The following PTPRN2 variants were observed in gnomAD, a reference collection of about 807,000 sequenced individuals.
PTPRN2 encodes protein tyrosine phosphatase receptor type N2, also known as receptor-type tyrosine-protein phosphatase N2.
PTPRN2 carries 74 observed loss-of-function variants against 118.8 expected under a neutral mutation model. That is an observed-to-expected ratio of 0.62 (90% CI 0.52 to 0.76). PTPRN2 has a LOEUF of 0.76. PTPRN2 is among the 30% of genes least tolerant of loss of function. The pLI, the probability that PTPRN2 is intolerant of heterozygous loss-of-function variation, is 0.00. For missense variants in PTPRN2, 1,481 were observed against 1,394.4 expected (o/e 1.06, Z -0.99); for synonymous variants, 641 against 608.0 (o/e 1.05, Z -0.80).
Position 158,546,670 on chromosome 7 carries a change from G to A in PTPRN2, c.112+40888C>T, listed in dbSNP as rs570145109. Among the ~76,000 whole-genome samples the A allele has an allele frequency of 9.8e-5, 15 of 152,316 alleles. No homozygotes were observed. The highest frequency in any genetic ancestry group is 3.4e-4 in the African/African-American group (14 of 41,570). ...GTAGCAGGTGGGTGACTACAGAGGT[G>A]CTCTGAGGGTCTTAGGCAGAGCTGG... On this transcript the variant is annotated intron_variant, in intron 1 of 22. Transcript: ENST00000389418. The surrounding 1 kb of genome is among the most constrained non-coding windows in gnomAD (Gnocchi z 5.0).
chr7:157,846,983 C>T (rs557647964), intron 12 of PTPRN2, among the ~76,000 whole-genome samples: 1 of 150,706 alleles, frequency 6.6e-6, no homozygotes, highest in Admixed American at 6.6e-5. Context: ...CTCTCTCACT[C>T]CTTCATGTGT....
Position 158,319,424 on chromosome 7 carries a change from A to T in PTPRN2, c.164-2492T>A, listed in dbSNP as rs1433135219. On this transcript the variant is annotated intron_variant, in intron 2 of 22. Transcript: ENST00000389418. ...CACACACACACACAGCCTCCCACAC[A>T]CACACACACACAGCCTCCCTCACAC... 4.8e-4 allele frequency among the ~76,000 whole-genome samples: 49 copies of T among 103,134 alleles called. 6 individuals carry two copies. Among genetic ancestry groups the T allele is most frequent in the African/African-American group, 1.4e-3 (37 of 26,630 alleles). 67.7% of individuals were successfully genotyped at this position (103,134 alleles called of 152,430 possible).
At chr7:158,352,003 TCCGCTCCCCTCCTGA>T (rs1563190555) in intron 2 of PTPRN2, among the ~76,000 whole-genome samples, 12 of 85,866 alleles carry the variant, frequency 1.4e-4, no homozygotes, top group African/African-American at 3.0e-4. Flanking sequence ...TCCCCTCCTG[TCCGCTCCCCTCCTGA>T]CCGCTCCCCT....
chr7:158,146,287 C>G (rs550312023), intron 6 of PTPRN2, among the ~76,000 whole-genome samples: 9 of 152,200 alleles, frequency 5.9e-5, no homozygotes, highest in African/African-American at 1.9e-4. Context: ...AAATGTTAAC[C>G]TATATTTAAA....
intron 12 of PTPRN2, among the ~76,000 whole-genome samples, chr7:157,715,108 T>G (rs954516866): frequency 6.6e-6 from 1 of 152,214 alleles, no homozygotes; most frequent in African/African-American, 2.4e-5. Context: ...TCTGGTGGCT[T>G]CTGTGTCATC....
intron 1 of PTPRN2, among the ~76,000 whole-genome samples, chr7:158,499,744 C>A (rs1028779160): frequency 2.6e-5 from 4 of 151,676 alleles, no homozygotes; most frequent in African/African-American, 9.7e-5. Context: ...GCACTCCAGC[C>A]TGGGTGACGG....
At chr7:158,336,604 C>A (rs143912596) in intron 2 of PTPRN2, among the ~76,000 whole-genome samples, 11,976 of 92,492 alleles carry the variant, frequency 0.13, 52 homozygotes, top group Middle Eastern at 0.18. Context: ...CACACCCACA[C>A]TCTCACCATA....
At chr7:158,342,733 C>A (rs1036018283) in intron 2 of PTPRN2, among the ~76,000 whole-genome samples, 5 of 152,132 alleles carry the variant, frequency 3.3e-5, no homozygotes, top group African/African-American at 9.7e-5. Context: ...AGGTTGGGTG[C>A]CTTGCTGGAG....
In PTPRN2 at chr7:157,785,972, G is replaced by A. The variant is rs553908934; in HGVS notation, c.1789-103035C>T. Among the ~76,000 whole-genome samples, 27 of 152,282 alleles carry A rather than the reference G, an allele frequency of 1.8e-4. No individual in the cohort carries two copies. The South Asian group carries it at 4.4e-3, about 25-fold the overall frequency. On this transcript the variant is annotated intron_variant, in intron 12 of 22. Coordinates refer to ENST00000389418, the MANE Select transcript of PTPRN2 (RefSeq NM_002847.5). This position sits in a 1 kb window ranked among gnomAD's most constrained non-coding sequence, Gnocchi z 7.3. ...GATGGCTGCAGGGACCCCCTGGGCCGGCTCTGGGTGCTGCTGCTCCCAGGA... is the reference window on the plus strand; with the variant it reads ...GATGGCTGCAGGGACCCCCTGGGCCAGCTCTGGGTGCTGCTGCTCCCAGGA...
In PTPRN2 at chr7:157,926,852, G is replaced by A. The variant is rs1462534686; in HGVS notation, c.1724-28115C>T. 3.3e-5 allele frequency among the ~76,000 whole-genome samples: 5 copies of A among 152,166 alleles called. No homozygotes were observed. In the South Asian group the frequency reaches 6.2e-4, roughly 19 times the overall value. On this transcript the variant is annotated intron_variant, in intron 11 of 22. Coordinates refer to ENST00000389418, the MANE Select transcript of PTPRN2 (RefSeq NM_002847.5). ...GAGTCGCCTCCCCCTGCATCTGGAC[G>A]TGTGGCTGCAGGGATCCTGACACCG...
At chr7:158,078,062 T>C (rs1359496895) in intron 11 of PTPRN2, among the ~76,000 whole-genome samples, 1 of 152,206 alleles carries the variant, frequency 6.6e-6, no homozygotes, top group Non-Finnish European at 1.5e-5. Context: ...GGGAAAGCAT[T>C]GCCTACGATA....
At chr7:158,180,502 G>T (rs574027213) in intron 5 of PTPRN2, among the ~76,000 whole-genome samples, 2 of 152,010 alleles carry the variant, frequency 1.3e-5, no homozygotes, top group African/African-American at 4.8e-5. Flanking sequence ...TATTTTGATA[G>T]GAATTTCATT....
At chr7:158,293,932 T>G (rs1800288514) in intron 3 of PTPRN2, among the ~76,000 whole-genome samples, 1 of 152,210 alleles carries the variant, frequency 6.6e-6, no homozygotes, top group African/African-American at 2.4e-5. Context: ...CCGGCATATC[T>G]CCTGAAGGAC....
chr7:158,345,710 C>T (rs1807461680), intron 2 of PTPRN2, among the ~76,000 whole-genome samples: 2 of 152,150 alleles, frequency 1.3e-5, no homozygotes, highest in South Asian at 4.1e-4. Flanking sequence ...TATGGGTGTC[C>T]ATTTTCACAC....
Position 158,015,642 on chromosome 7 carries a change from CT to C in PTPRN2, c.1723+65655del, listed in dbSNP as rs1326735316. 2.0e-5 allele frequency among the ~76,000 whole-genome samples: 3 copies of C among 151,974 alleles called. No homozygotes were observed. Among genetic ancestry groups the C allele is most frequent in the Non-Finnish European group, 4.4e-5 (3 of 68,006 alleles). Reference sequence around the variant, plus strand: ...AGCAGTTCATATTGTTAATTTTTAACTAAAGACAACTGATTTTTGCCAGTAG... The same window carrying C: ...AGCAGTTCATATTGTTAATTTTTAACAAAGACAACTGATTTTTGCCAGTAG... On this transcript the variant is annotated intron_variant, in intron 11 of 22. Coordinates refer to ENST00000389418, the MANE Select transcript of PTPRN2 (RefSeq NM_002847.5). The surrounding 1 kb of genome is among the most constrained non-coding windows in gnomAD (Gnocchi z 4.2).
At chr7:158,281,301 T>G (rs1441559776) in intron 3 of PTPRN2, among the ~76,000 whole-genome samples, 1 of 152,130 alleles carries the variant, frequency 6.6e-6, no homozygotes, top group South Asian at 2.1e-4. Context: ...AAAATAAAAA[T>G]GAAAATAAGC....
At chr7:158,031,583 T>G (rs2128882442) in intron 11 of PTPRN2, among the ~76,000 whole-genome samples, 1 of 152,268 alleles carries the variant, frequency 6.6e-6, no homozygotes, top group Non-Finnish European at 1.5e-5. Context: ...ATTCAGGAAT[T>G]GGGAAATTAA....
At chr7:158,459,143 C>G (rs1458657327) in intron 2 of PTPRN2, among the ~76,000 whole-genome samples, 1 of 152,226 alleles carries the variant, frequency 6.6e-6, no homozygotes, top group Non-Finnish European at 1.5e-5. Flanking sequence ...GATGTCTCCA[C>G]TGTCCAGAGG....
intron 3 of PTPRN2, among the ~76,000 whole-genome samples, chr7:158,304,653 T>C (rs1329290031): frequency 1.3e-5 from 2 of 152,230 alleles, no homozygotes; most frequent in East Asian, 3.8e-4. Context: ...AGGGCATAGG[T>C]GAATTCAAAG....
Sources: gnomAD v4.1 joint callset for allele counts (sites outside exome capture counted in the v4.1 genomes callset) on GRCh38, gnomAD v4.1.1 for gene constraint, Gnocchi (gnomAD v3.1) non-coding constraint, MANE v1.5 for transcripts, NCBI Gene and HGNC (gene_info 2026-07-23, HGNC 2026-07-21) for gene names.